Variants in CD40 observed in about 807,000 individuals in gnomAD.
The protein encoded by CD40 is tumor necrosis factor receptor superfamily member 5.
A neutral mutation model predicts 38.5 loss-of-function variants in CD40; 19 were observed. The observed-to-expected ratio is 0.49, with a 90% CI of 0.34 to 0.72. CD40 has a LOEUF of 0.72. Among genes scored for constraint, CD40 ranks in the 30% least tolerant of loss-of-function variants. The pLI is 0.01. For missense variants in CD40, 256 were observed against 344.1 expected, an observed-to-expected ratio of 0.74 and a Z score of 2.03; for synonymous variants, 130 against 128.7, an observed-to-expected ratio of 1.01 and a Z score of -0.07.
intron 1 of CD40, among the ~76,000 whole-genome samples, chr20:46,120,921 C>T (rs11569312): frequency 9.9e-5 from 15 of 152,176 alleles, no homozygotes; most frequent in African/African-American, 2.9e-4. Flanking sequence ...ATAAATTAGC[C>T]GGGCATAGTG....
chr20:46,122,274 G>C lies in CD40; in HGVS notation c.172G>C (p.Glu58Gln). The C allele has an allele frequency of 6.2e-7, 1 of 1,614,164 alleles. No homozygotes were observed. The highest frequency in any genetic ancestry group is 8.5e-7 in the Non-Finnish European group (1 of 1,180,022). ...VSDCTEFTET[E>Q]CLPCGESEFL... is the part of the protein sequence containing the mutation. ...TGACTGCACAGAGTTCACTGAAACG[G>C]AATGCCTTCCTTGCGGTGAAAGCGA... The change falls in exon 3 of 9, where the codon GAA (glutamate) becomes CAA (glutamine). Residue 58 changes from glutamate to glutamine, a missense_variant. By Grantham distance (29) the Glu-to-Gln change is conservative (BLOSUM62 2). Coordinates refer to ENST00000372285, the MANE Select transcript of CD40 (RefSeq NM_001250.6). This position sits in a 1 kb window ranked among gnomAD's most constrained non-coding sequence, Gnocchi z 5.0.
chr20:46,124,193 G>A (rs530698862), intron 5 of CD40, among the ~76,000 whole-genome samples: 21 of 152,238 alleles, frequency 1.4e-4, no homozygotes, highest in African/African-American at 4.8e-4. Flanking sequence ...CCAGCTCCTC[G>A]GGAGGCTGAG....
At position 46,129,077 on chromosome 20, in the gene CD40, A is replaced by G; in HGVS notation, c.*37A>G. On this transcript the variant is annotated 3_prime_UTR_variant, in exon 9 of 9. Coordinates refer to ENST00000372285, the MANE Select transcript of CD40 (RefSeq NM_001250.6). Reference sequence around the variant, plus strand: ...CCCAGGAGTGTGGCCACGTGGGCAAACAGGCAGTTGGCCAGAGAGCCTGGT... The same window carrying G: ...CCCAGGAGTGTGGCCACGTGGGCAAGCAGGCAGTTGGCCAGAGAGCCTGGT... The G allele has an allele frequency of 6.2e-7, 1 of 1,611,442 alleles. No homozygotes were observed. Among genetic ancestry groups the G allele is most frequent in the Non-Finnish European group, 8.5e-7 (1 of 1,178,190 alleles).
At chr20:46,127,968 C>T in intron 6 of CD40, 170 bp from the exon 7 acceptor site, 1 of 1,283,288 alleles carries the variant, frequency 7.8e-7, no homozygotes. Flanking sequence ...AATGTTCTGG[C>T]TCCTTTAAAG....
intron 6 of CD40, 170 bp downstream of exon 6, chr20:46,126,871 C>T (rs2085448288): frequency 2.8e-6 from 3 of 1,061,182 alleles, no homozygotes; most frequent in Non-Finnish European, 2.8e-6. Flanking sequence ...CACTTCCCCT[C>T]TCTTAGCCTC....
rs537489349 is a variant in CD40, at chr20:46,122,697, C to T, written c.344C>T (p.Ala115Val). Residue 115 changes from alanine (A) to valine (V), a missense_variant, in exon 4 of 9, where the codon GCC becomes GTC. By Grantham distance (64) the Ala-to-Val change is moderately conservative. Coordinates refer to ENST00000372285, the MANE Select transcript of CD40 (RefSeq NM_001250.6). This position sits in a 1 kb window ranked among gnomAD's most constrained non-coding sequence, Gnocchi z 5.0. ...CEEGWHCTSE[A>V]CESCVLHRSC... Reference sequence around the variant, plus strand: ...GAAGGCTGGCACTGTACGAGTGAGGCCTGTGAGAGCTGTGTCCTGCACCGC... The same window carrying T: ...GAAGGCTGGCACTGTACGAGTGAGGTCTGTGAGAGCTGTGTCCTGCACCGC... 31 of 1,614,018 alleles carry T rather than the reference C, an allele frequency of 1.9e-5. No homozygotes were observed. In the Admixed American group the frequency reaches 3.3e-4, roughly 17 times the overall value.
intron 8 of CD40, chr20:46,128,610 C>T (rs200195817): frequency 1.3e-5 from 9 of 698,596 alleles, no homozygotes; most frequent in Admixed American, 6.4e-5. Context: ...GCATTCAACG[C>T]GTGGGGAGCT....
At chr20:46,124,985 T>C (rs2085402952) in intron 5 of CD40, among the ~76,000 whole-genome samples, 1 of 151,564 alleles carries the variant, frequency 6.6e-6, no homozygotes, top group Non-Finnish European at 1.5e-5. Context: ...GCCAGGATGG[T>C]CTTGATCTCC....
intron 5 of CD40, 42 bp downstream of exon 5, chr20:46,123,261 C>A: frequency 7.0e-7 from 1 of 1,428,188 alleles, no homozygotes; most frequent in Non-Finnish European, 9.9e-7. Flanking sequence ...CTAAGAGTGG[C>A]ATGGAGCTGC....
In CD40 at chr20:46,121,806, A is replaced by T; in HGVS notation, c.52-14A>T. 1 of 1,606,106 alleles carries T rather than the reference A, an allele frequency of 6.2e-7. No individual in the cohort carries two copies. The highest frequency in any genetic ancestry group is 8.5e-7 in the Non-Finnish European group (1 of 1,172,668). ...ATTTCAAGATCCCTTCAAATTGCAC[A>T]ATTCTGTTTTTAGGTCCATCCAGAA... On this transcript the variant is annotated splice_polypyrimidine_tract_variant and intron_variant, in intron 1 of 8. Coordinates refer to ENST00000372285, the MANE Select transcript of CD40 (RefSeq NM_001250.6).
Position 46,122,669 on chromosome 20 carries a change from GA to G in CD40, c.318del (p.Glu107LysfsTer86). ...TSETDTICTC[E>X]EGWHCTSEAC... ...AGAAACAGACACCATCTGCACCTGT[GA>G]AGAAGGCTGGCACTGTACGAGTGAG... On this transcript the variant is annotated frameshift_variant, in exon 4 of 9. Transcript: ENST00000372285. LOFTEE classifies it high-confidence loss of function. This position sits in a 1 kb window ranked among gnomAD's most constrained non-coding sequence, Gnocchi z 5.0. The G allele has an allele frequency of 6.2e-7, 1 of 1,614,174 alleles. No individual in the cohort carries two copies. Among genetic ancestry groups the G allele is most frequent in the Non-Finnish European group, 8.5e-7 (1 of 1,180,036 alleles).
rs774837924 is a variant in CD40 at position 46,128,901 on chromosome 20, A to C, written c.695A>C (p.Glu232Ala). 6.2e-7 allele frequency: 1 copy of C among 1,614,140 alleles called. No homozygotes were observed. The highest frequency in any genetic ancestry group is 1.1e-5 in the South Asian group (1 of 91,078). ...PTNKAPHPKQ[E>A]PQEINFPDDL... ...CTCCAGGCCCCCCACCCCAAGCAGG[A>C]ACCCCAGGAGATCAATTTTCCCGAC... Residue 232 changes from glutamate (E) to alanine (A), a missense_variant, in exon 9 of 9, where the codon GAA (glutamate) becomes GCA (alanine). Transcript: ENST00000372285.
chr20:46,124,095 C>A (rs2085372711), intron 5 of CD40, among the ~76,000 whole-genome samples: 3 of 152,140 alleles, frequency 2.0e-5, no homozygotes, highest in Admixed American at 2.0e-4. Context: ...GTCAGGAGTT[C>A]AAGACCAGCC....
At position 46,122,646 on chromosome 20, in the gene CD40, A is replaced by T. The variant is rs755540822; in HGVS notation, c.293A>T (p.Glu98Val). The part of the protein sequence containing the change: ...GLRVQQKGTS[E>V]TDTICTCEEG... Reference sequence around the variant, plus strand: ...CGGGTCCAGCAGAAGGGCACCTCAGAAACAGACACCATCTGCACCTGTGAA... The same window carrying T: ...CGGGTCCAGCAGAAGGGCACCTCAGTAACAGACACCATCTGCACCTGTGAA... The change falls in exon 4 of 9, where the codon GAA (glutamate) becomes GTA (valine). Residue 98 changes from glutamate to valine, a missense_variant. By Grantham distance (121) the Glu-to-Val change is moderately radical. Coordinates refer to ENST00000372285, the MANE Select transcript of CD40 (RefSeq NM_001250.6). This position sits in a 1 kb window ranked among gnomAD's most constrained non-coding sequence, Gnocchi z 5.0. 3 of 1,614,138 alleles carry T rather than the reference A, an allele frequency of 1.9e-6. No homozygotes were observed. The highest frequency in any genetic ancestry group is 1.7e-6 in the Non-Finnish European group (2 of 1,180,032).
intron 8 of CD40, 88 bp from the exon 9 acceptor site, chr20:46,128,794 G>A: frequency 7.1e-7 from 1 of 1,404,958 alleles, no homozygotes. Flanking sequence ...GGGAGGGCTT[G>A]GGGAAGGGAT....
In CD40 at chr20:46,129,209, G is replaced by C. The variant is rs2085506097; in HGVS notation, c.*169G>C. The C allele has an allele frequency of 1.7e-5, 12 of 712,580 alleles. No individual in the cohort carries two copies. The South Asian group carries it at 1.7e-4, about 10-fold the overall frequency. The allele number at this position is 712,580 out of a possible 1,614,324, so 44.1% of individuals were successfully genotyped here. A position where few individuals can be genotyped will look rare whatever the true frequency, so the allele number is the denominator to read the frequency against. On this transcript the variant is annotated 3_prime_UTR_variant, in exon 9 of 9. Coordinates refer to ENST00000372285, the MANE Select transcript of CD40 (RefSeq NM_001250.6). The stretch of plus-strand genomic sequence containing the variant: ...TGAGACAGGAGACCTGGCACTGGAT[G>C]CAGAAACAGTTCACCTTGAAGAACC...
In CD40 at chr20:46,128,112, G is replaced by T. The variant is rs377180915; in HGVS notation, c.560-26G>T. The T allele has an allele frequency of 5.0e-6, 8 of 1,614,056 alleles. No homozygotes were observed. The Admixed American group carries it at 1.2e-4, about 24-fold the overall frequency. ...TAGGGAGAAACTGCAGGTGAGGGGT[G>T]CATGCTGAAGTCCTGATTTCTCCAG... On this transcript the variant is annotated intron_variant, in intron 6 of 8. Coordinates refer to ENST00000372285, the MANE Select transcript of CD40 (RefSeq NM_001250.6).
chr20:46,120,112 G>A (rs2085288862), intron 1 of CD40, among the ~76,000 whole-genome samples: 1 of 152,148 alleles, frequency 6.6e-6, no homozygotes, highest in East Asian at 1.9e-4. Context: ...AGATACCCAG[G>A]TTGAATGAGA....
In CD40 at chr20:46,126,672, C is replaced by T; in HGVS notation, c.530C>T (p.Ala177Val). 6.2e-7 allele frequency: 1 copy of T among 1,613,996 alleles called. No homozygotes were observed. The highest frequency in any genetic ancestry group is 8.5e-7 in the Non-Finnish European group (1 of 1,179,894). The change falls in exon 6 of 9, where the codon GCA (alanine) becomes GTA (valine). Residue 177 changes from alanine (A) to valine (V), a missense_variant. Physicochemically the swap from Ala to Val is moderately conservative, Grantham distance 64. Coordinates refer to ENST00000372285, the MANE Select transcript of CD40 (RefSeq NM_001250.6). ...CETKDLVVQQ[A>V]GTNKTDVVCG... Reference sequence around the variant, plus strand: ...ACCAAAGACCTGGTTGTGCAACAGGCAGGCACAAACAAGACTGATGTTGTC... The same window carrying T: ...ACCAAAGACCTGGTTGTGCAACAGGTAGGCACAAACAAGACTGATGTTGTC...
Sources: gnomAD v4.1 joint callset for allele counts (sites outside exome capture counted in the v4.1 genomes callset) on GRCh38, gnomAD v4.1.1 for gene constraint, Gnocchi (gnomAD v3.1) non-coding constraint, MANE v1.5 for transcripts, NCBI Gene and HGNC (gene_info 2026-07-23, HGNC 2026-07-21) for gene names.